NOTCH1: variants seen among roughly 807,000 people sequenced by gnomAD.
NOTCH1 encodes the protein notch receptor 1, also known as neurogenic locus notch homolog protein 1.
A neutral mutation model predicts 254.8 loss-of-function variants in NOTCH1; 37 were observed. The observed-to-expected ratio is 0.15, with a 90% CI of 0.11 to 0.19. The LOEUF is 0.19. Ranked by LOEUF, NOTCH1 falls within the 10% of genes least tolerant of loss-of-function variation. The probability of loss-of-function intolerance (pLI) is 1.00; values close to 1 mark genes in which losing one functional copy is unlikely to be tolerated. For missense variants in NOTCH1, 2,972 were observed against 3,708.6 expected (o/e 0.80, Z 5.16); for synonymous variants, 1,731 against 1,618.1 (o/e 1.07, Z -1.68).
Position 136,505,868 on chromosome 9 carries a change from G to C in NOTCH1, c.4028C>G (p.Ala1343Gly), listed in dbSNP as rs183156491. The C allele has an allele frequency of 6.3e-7, 1 of 1,591,638 alleles. No homozygotes were observed. The highest frequency in any genetic ancestry group is 1.1e-5 in the South Asian group (1 of 89,986). Reference sequence around the variant, plus strand: ...GGTACGAGCGTCATTCTCACACGTGGCGCCCTCGAAGCCCTGCCCGAGAGG... The same window carrying C: ...GGTACGAGCGTCATTCTCACACGTGCCGCCCTCGAAGCCCTGCCCGAGAGG... Reference protein sequence around the residue: ...ICKCPAGFEGATCENDARTCG... With the variant: ...ICKCPAGFEGGTCENDARTCG... The change falls in exon 25 of 34, where the codon GCC becomes GGC. Residue 1343 changes from alanine (A) to glycine (G), a missense_variant. Coordinates refer to ENST00000651671, the MANE Select transcript of NOTCH1 (RefSeq NM_017617.5).
rs544856644 is a variant in NOTCH1 at position 136,498,949 on chromosome 9, C to T, written c.6130G>A (p.Ala2044Thr). 96 of 1,613,686 alleles carry T rather than the reference C, an allele frequency of 5.9e-5. No individual in the cohort carries two copies. Among genetic ancestry groups the T allele is most frequent in the Middle Eastern group, 1.6e-4 (1 of 6,062 alleles). ...GCCCCGTTCTTCAGGAGCACAACTG[C>T]GGCATCCACATTGTTCACGGCGGCG... ...WAAAVNNVDA[A>T]VVLLKNGANK... Residue 2044 changes from alanine to threonine, a missense_variant, in exon 33 of 34, where the codon GCA becomes ACA. Coordinates refer to ENST00000651671, the MANE Select transcript of NOTCH1 (RefSeq NM_017617.5).
chr9:136,513,156 T>A lies in NOTCH1; in HGVS notation c.2354-22A>T, dbSNP rs1338666864. 1 of 1,586,244 alleles carries A rather than the reference T, an allele frequency of 6.3e-7. No individual in the cohort carries two copies. The highest frequency in any genetic ancestry group is 8.7e-7 in the Non-Finnish European group (1 of 1,155,968). ...GGACCTGGAGGGAAGGGGACAGCAC[T>A]CGGCATGTCCAGCACTCCCAGGCAC... On this transcript the variant is annotated intron_variant, in intron 14 of 33. Coordinates refer to ENST00000651671, the MANE Select transcript of NOTCH1 (RefSeq NM_017617.5). The surrounding 1 kb of genome is among the most constrained non-coding windows in gnomAD (Gnocchi z 4.7).
In NOTCH1 at chr9:136,523,176, T is replaced by C; in HGVS notation, c.416A>G (p.Gln139Arg). The change falls in exon 4 of 34, where the codon CAG becomes CGG. Residue 139 changes from glutamine to arginine, a missense_variant. By Grantham distance (43) the Gln-to-Arg change is conservative (BLOSUM62 1). This residue lies in a region of NOTCH1 where 374 missense variants were observed against 496.3 expected (regional missense o/e 0.75). Transcript: ENST00000651671. ...GTTGGAGGCGCACGGGTCAGCCTGC[T>C]GGCACGATTTCCCTGGAGACAAGGG... is the stretch of plus-strand genomic sequence containing the variant. Reference protein sequence around the residue: ...CPPGWSGKSCQQADPCASNPC... With the variant: ...CPPGWSGKSCRQADPCASNPC... 6.2e-7 allele frequency: 1 copy of C among 1,602,362 alleles called. No homozygotes were observed. The highest frequency in any genetic ancestry group is 8.5e-7 in the Non-Finnish European group (1 of 1,175,624).
Position 136,514,689 on chromosome 9 carries a change from G to C in NOTCH1, c.2028C>G (p.Asn676Lys). The C allele has an allele frequency of 6.2e-7, 1 of 1,612,420 alleles. No homozygotes were observed. Among genetic ancestry groups the C allele is most frequent in the Non-Finnish European group, 8.5e-7 (1 of 1,179,834 alleles). Reference sequence around the variant, plus strand: ...TGCCCGCACACTCATCGATGTTGATGTTACACATGCTCCCTAAGGGCAGGG... The same window carrying C: ...TGCCCGCACACTCATCGATGTTGATCTTACACATGCTCCCTAAGGGCAGGG... ...CEPGYTGSMC[N>K]INIDECAGNP... The change falls in exon 13 of 34, where the codon AAC becomes AAG. Residue 676 changes from asparagine (N) to lysine (K), a missense_variant. Transcript: ENST00000651671.
intron 12 of NOTCH1, 141 bp downstream of exon 12, chr9:136,515,149 G>A (rs1843243529): frequency 1.3e-6 from 1 of 764,842 alleles, no homozygotes; most frequent in Non-Finnish European, 2.3e-6. Flanking sequence ...TGGTCCCGCT[G>A]CAATCTCTGC....
chr9:136,542,031 C>T (rs993371705), intron 2 of NOTCH1, among the ~76,000 whole-genome samples: 24 of 152,346 alleles, frequency 1.6e-4, no homozygotes, highest in African/African-American at 5.1e-4. Flanking sequence ...AACAGCTCAC[C>T]GGGATCCCAG....
rs763785541 is a variant in NOTCH1 at position 136,496,313 on chromosome 9, C to T, written c.7426G>A (p.Val2476Met). ...GGCGTCAGGAACTGGGCTGCGGTCACGGGTGGGACCAGCGAGGATGGCAGC... is the reference window on the plus strand; with the variant it reads ...GGCGTCAGGAACTGGGCTGCGGTCATGGGTGGGACCAGCGAGGATGGCAGC... Reference protein sequence around the residue: ...TSLPSSLVPPVTAAQFLTPPS... With the variant: ...TSLPSSLVPPMTAAQFLTPPS... Residue 2476 changes from valine to methionine, a missense_variant, in exon 34 of 34, where the codon GTG (valine) becomes ATG (methionine). Physicochemically the swap from Val to Met is conservative, Grantham distance 21. This residue lies in a region of NOTCH1 where 85 missense variants were observed against 126.1 expected (regional missense o/e 0.67). Coordinates refer to ENST00000651671, the MANE Select transcript of NOTCH1 (RefSeq NM_017617.5). 16 of 1,595,156 alleles carry T rather than the reference C, an allele frequency of 1.0e-5. No homozygotes were observed. Among genetic ancestry groups the T allele is most frequent in the Non-Finnish European group, 1.3e-5 (15 of 1,170,746 alleles).
In NOTCH1 at chr9:136,521,128, G is replaced by A. The variant is rs535394545; in HGVS notation, c.743-1563C>T. ...CCAGAGGTGGCTGAGGGCCCTTCAG[G>A]GGGCCTGGGTGCAGGGGCCGCCGGG... On this transcript the variant is annotated intron_variant, in intron 4 of 33. Transcript: ENST00000651671. Among the ~76,000 whole-genome samples the A allele has an allele frequency of 2.1e-3, 320 of 152,310 alleles. 1 individual carries two copies. The highest frequency in any genetic ancestry group is 7.5e-3 in the African/African-American group (310 of 41,562).
Position 136,502,052 on chromosome 9 carries a change from G to A in NOTCH1, c.5421C>T (p.Asp1807=), listed in dbSNP as rs376590737. ...CGTCCCCCCACTCATTCTGGTTGTC[G>A]TCCATGAGGGCACCGTCTGAAGCGT... ...LKNASDGALM[D]DNQNEWGDED... is the part of the protein sequence containing the mutation. Residue 1807 remains aspartate (D), a synonymous_variant, in exon 29 of 34, where the codon GAC becomes GAT. Coordinates refer to ENST00000651671, the MANE Select transcript of NOTCH1 (RefSeq NM_017617.5). 106 of 1,613,178 alleles carry A rather than the reference G, an allele frequency of 6.6e-5. No homozygotes were observed. The highest frequency in any genetic ancestry group is 8.5e-5 in the Non-Finnish European group (100 of 1,179,968).
chr9:136,540,945 G>C lies in NOTCH1; in HGVS notation c.140+3079C>G, dbSNP rs3013304. Among the ~76,000 whole-genome samples, 55,067 of 152,062 alleles carry C rather than the reference G, an allele frequency of 0.36. 10,753 individuals are homozygous for C. The highest frequency in any genetic ancestry group is 0.73 in the East Asian group (3,778 of 5,166). ...GGACGTAGTCTCACCCAGACAGATA[G>C]GGTCCCTGCAGCTCTTCCCAGCTCT... On this transcript the variant is annotated intron_variant, in intron 2 of 33. Coordinates refer to ENST00000651671, the MANE Select transcript of NOTCH1 (RefSeq NM_017617.5). This position sits in a 1 kb window ranked among gnomAD's most constrained non-coding sequence, Gnocchi z 4.4.
chr9:136,523,616 CAG>C, intron 3 of NOTCH1, 99 bp downstream of exon 3: 1 of 1,463,870 alleles, frequency 6.8e-7, no homozygotes, highest in Non-Finnish European at 9.2e-7. Context: ...ACTTCCGGGT[CAG>C]AGACCCGGGC....
chr9:136,498,871 TC>T, intron 33 of NOTCH1, 27 bp downstream of exon 33: 1 of 1,611,378 alleles, frequency 6.2e-7, no homozygotes, highest in Non-Finnish European at 8.5e-7. Flanking sequence ...CCCTCACGTC[TC>T]CCCTGGCATC....
rs2133328731 is a variant in NOTCH1, at chr9:136,501,803, T to C, written c.5583A>G (p.Thr1861=). 1 of 1,612,442 alleles carries C rather than the reference T, an allele frequency of 6.2e-7. No individual in the cohort carries two copies. Among genetic ancestry groups the C allele is most frequent in the Non-Finnish European group, 8.5e-7 (1 of 1,179,888 alleles). Residue 1861 remains threonine, a synonymous_variant, in exon 30 of 34, where the codon ACA becomes ACG. Coordinates refer to ENST00000651671, the MANE Select transcript of NOTCH1 (RefSeq NM_017617.5). ...ADLRMSAMAP[T]PPQGEVDADC... ...CGGCGTCAACCTCACCCTGGGGCGG[T>C]GTGGGGGCCATGGCAGACATGCGCA...
At chr9:136,507,487 T>G in intron 21 of NOTCH1, 50 bp from the exon 22 acceptor site, 1 of 1,563,214 alleles carries the variant, frequency 6.4e-7, no homozygotes. Context: ...GGCGCCAGGA[T>G]GCAGTGCTCC....
chr9:136,521,435 C>T lies in NOTCH1; in HGVS notation c.742+1415G>A, dbSNP rs186094116. Among the ~76,000 whole-genome samples the T allele has an allele frequency of 5.6e-4, 85 of 152,240 alleles. 1 individual carries two copies. Among genetic ancestry groups the T allele is most frequent in the Admixed American group, 2.0e-3 (30 of 15,306 alleles). On this transcript the variant is annotated intron_variant, in intron 4 of 33. Coordinates refer to ENST00000651671, the MANE Select transcript of NOTCH1 (RefSeq NM_017617.5). ...GGCCCAGCACCCCTGGCATCTCTGC[C>T]GCTGGGCCTCACCAGGAGGTCCTCA...
In NOTCH1 at chr9:136,496,370, G is replaced by C. The variant is rs61755043; in HGVS notation, c.7369C>G (p.Leu2457Val). The change falls in exon 34 of 34, where the codon CTG becomes GTG. Residue 2457 changes from leucine to valine, a missense_variant. Leu to Val is a conservative substitution (Grantham distance 32). Around this residue, in one of 8 missense-constraint regions of NOTCH1, gnomAD observed 529 missense variants for 529.2 expected, o/e 1.00. Transcript: ENST00000651671. ...GPSSLAVHTI[L>V]PQESPALPTS... The stretch of plus-strand genomic sequence containing the variant: ...GGCAGGGCGGGGCTCTCCTGGGGCA[G>C]AATAGTGTGCACCGCCAGGCTGCTG... 498 of 1,595,236 alleles carry C rather than the reference G, an allele frequency of 3.1e-4. 1 individual carries two copies. The highest frequency in any genetic ancestry group is 1.2e-3 in the Middle Eastern group (7 of 6,054).
chr9:136,529,084 G>C (rs532663230), intron 2 of NOTCH1, among the ~76,000 whole-genome samples: 1 of 152,274 alleles, frequency 6.6e-6, no homozygotes, highest in East Asian at 1.9e-4. Context: ...AGATCCTGCC[G>C]TGCTCTGCTA....
chr9:136,521,520 C>T (rs561953440), intron 4 of NOTCH1, among the ~76,000 whole-genome samples: 12 of 152,262 alleles, frequency 7.9e-5, no homozygotes, highest in South Asian at 2.1e-4. Flanking sequence ...TGGACAAGGC[C>T]GCACACACCC....
chr9:136,543,771 T>G (rs1843767625), intron 2 of NOTCH1: 1 of 599,536 alleles, frequency 1.7e-6, no homozygotes, highest in Non-Finnish European at 3.0e-6. Flanking sequence ...TCCCACTTAG[T>G]GACCCCGGAG....
Sources: allele counts gnomAD v4.1 joint callset (sites outside exome capture counted in the v4.1 genomes callset), GRCh38; gene constraint gnomAD v4.1.1; regional missense constraint gnomAD v4.1.1; non-coding constraint Gnocchi (gnomAD v3.1); transcripts MANE v1.5; gene names NCBI Gene and HGNC (gene_info 2026-07-23, HGNC 2026-07-21).